Variants in SAMD12 observed in about 807,000 individuals in gnomAD.
SAMD12 encodes sterile alpha motif domain containing 12.
In SAMD12, 9 loss-of-function variants were observed where a neutral mutation model predicts 15.0. That is an observed-to-expected ratio of 0.60 (90% confidence interval 0.36 to 1.05). SAMD12 has a LOEUF of 1.05. Ranked by LOEUF, SAMD12 falls within the 50% of genes least tolerant of loss-of-function variation. The pLI, the probability that SAMD12 is intolerant of heterozygous loss-of-function variation, is 0.01. For missense variants in SAMD12, 230 were observed against 234.2 expected, an observed-to-expected ratio of 0.98 and a Z score of 0.12; for synonymous variants, 86 against 90.1, an observed-to-expected ratio of 0.96 and a Z score of 0.25.
At chr8:118,366,840 A>C (rs1245723557) in intron 4 of SAMD12, among the ~76,000 whole-genome samples, 3 of 114,878 alleles carry the variant, frequency 2.6e-5, no homozygotes, top group East Asian at 4.7e-4. Flanking sequence ...ATAAAATAAA[A>C]TAAAATAAAA....
At chr8:118,348,033 G>A (rs1021493540) in intron 4 of SAMD12, among the ~76,000 whole-genome samples, 1 of 152,110 alleles carries the variant, frequency 6.6e-6, no homozygotes, top group Non-Finnish European at 1.5e-5. Flanking sequence ...CAAGAACAGT[G>A]CTTAGGACAC....
At chr8:118,403,158 G>C (rs964177440) in intron 3 of SAMD12, among the ~76,000 whole-genome samples, 2 of 152,180 alleles carry the variant, frequency 1.3e-5, no homozygotes, top group Non-Finnish European at 2.9e-5. Context: ...CTTCATGACA[G>C]CCTTGCAGTT....
chr8:118,551,680 G>A lies in SAMD12; in HGVS notation c.192+29035C>T, dbSNP rs866227365. ...AAGGCAAGAAATAACTAAAATCAGAGCAGAACTGAAGGAAATAGAGACACA... is the reference window on the plus strand; with the variant it reads ...AAGGCAAGAAATAACTAAAATCAGAACAGAACTGAAGGAAATAGAGACACA... On this transcript the variant is annotated intron_variant, in intron 2 of 3. Transcript: ENST00000314727. 7.4e-4 allele frequency among the ~76,000 whole-genome samples: 111 copies of A among 149,734 alleles called. 1 individual carries two copies. Among genetic ancestry groups the A allele is most frequent in the Middle Eastern group, 3.4e-3 (1 of 294 alleles).
At chr8:118,433,872 G>A (rs909219378) in intron 3 of SAMD12, among the ~76,000 whole-genome samples, 1 of 152,146 alleles carries the variant, frequency 6.6e-6, no homozygotes, top group Non-Finnish European at 1.5e-5. Context: ...TTTACATTTT[G>A]TTTGGTTATA....
At chr8:118,415,779 A>T (rs1377617981) in intron 3 of SAMD12, among the ~76,000 whole-genome samples, 1 of 152,120 alleles carries the variant, frequency 6.6e-6, no homozygotes, top group Admixed American at 6.5e-5. Context: ...TAATCTGCCC[A>T]CATAAGTCAA....
At chr8:118,325,182 A>C (rs57463234) in intron 4 of SAMD12, among the ~76,000 whole-genome samples, 4,175 of 152,318 alleles carry the variant, frequency 0.027, 172 homozygotes, top group African/African-American at 0.093. Flanking sequence ...GCTAAACAGC[A>C]GAGATGTGGC....
chr8:118,383,645 A>G (rs1453019014), intron 3 of SAMD12, among the ~76,000 whole-genome samples: 1 of 152,156 alleles, frequency 6.6e-6, no homozygotes, highest in Admixed American at 6.6e-5. Flanking sequence ...TCAAACAAGA[A>G]GCACCAACTG....
chr8:118,452,589 A>G (rs570337301), intron 2 of SAMD12, among the ~76,000 whole-genome samples: 15 of 152,324 alleles, frequency 9.8e-5, no homozygotes, highest in Middle Eastern at 3.4e-3. Context: ...CTAATAAATA[A>G]TAATGGGCCC....
the SAMD12 span, among the ~76,000 whole-genome samples, chr8:118,156,789 G>A: frequency 1.3e-5 from 2 of 152,130 alleles, no homozygotes; most frequent in Admixed American, 6.5e-5. Context: ...TTTGCTAAAG[G>A]GTTCTGAGTA....
At chr8:118,219,175 C>T (rs1223336670) in intron 4 of SAMD12, among the ~76,000 whole-genome samples, 12 of 152,274 alleles carry the variant, frequency 7.9e-5, no homozygotes, top group South Asian at 2.1e-4. Flanking sequence ...TGCCCATACA[C>T]GTCTATGACG....
At chr8:118,575,520 T>C (rs906118399) in intron 2 of SAMD12, among the ~76,000 whole-genome samples, 3 of 152,172 alleles carry the variant, frequency 2.0e-5, no homozygotes, top group Admixed American at 2.0e-4. Flanking sequence ...CCATTAGACA[T>C]AGAGAGTTAC....
At chr8:118,337,703 C>G (rs1271642043) in intron 4 of SAMD12, among the ~76,000 whole-genome samples, 1 of 152,200 alleles carries the variant, frequency 6.6e-6, no homozygotes, top group East Asian at 1.9e-4. Flanking sequence ...CTCAGATGGA[C>G]TGTCCTGATA....
At chr8:118,258,811 G>A (rs961063960) in intron 4 of SAMD12, among the ~76,000 whole-genome samples, 10 of 152,072 alleles carry the variant, frequency 6.6e-5, no homozygotes, top group Non-Finnish European at 8.8e-5. Context: ...AATAGTAATC[G>A]CAGTGATACC....
intron 1 of SAMD12, among the ~76,000 whole-genome samples, chr8:118,616,631 G>T (rs1476556878): frequency 6.6e-6 from 1 of 152,142 alleles, no homozygotes; most frequent in African/African-American, 2.4e-5. Context: ...ACAAAGCATA[G>T]GTTCCCCACC....
At chr8:118,405,439 G>C (rs981942055) in intron 3 of SAMD12, among the ~76,000 whole-genome samples, 3 of 152,020 alleles carry the variant, frequency 2.0e-5, no homozygotes, top group African/African-American at 7.3e-5. Context: ...AAAAAAACCA[G>C]GTATAAAAAA....
At chr8:118,142,322 C>T in the SAMD12 span, among the ~76,000 whole-genome samples, 10 of 152,176 alleles carry the variant, frequency 6.6e-5, no homozygotes, top group South Asian at 2.1e-4. Context: ...TTTACCTCTA[C>T]GAAAAGTCTA....
At chr8:118,145,938 C>CTGCA in the SAMD12 span, among the ~76,000 whole-genome samples, 1 of 152,238 alleles carries the variant, frequency 6.6e-6, no homozygotes, top group Non-Finnish European at 1.5e-5. Context: ...TGTCAGCTAA[C>CTGCA]TGCACTCCTT....
chr8:118,183,920 C>T, the SAMD12 span, among the ~76,000 whole-genome samples: 1 of 152,040 alleles, frequency 6.6e-6, no homozygotes, highest in South Asian at 2.1e-4. Context: ...TGAAAACATG[C>T]GATATTTGGT....
At chr8:118,509,192 T>G (rs1825005685) in intron 2 of SAMD12, among the ~76,000 whole-genome samples, 1 of 152,212 alleles carries the variant, frequency 6.6e-6, no homozygotes, top group Non-Finnish European at 1.5e-5. Context: ...TGTCTGTGTG[T>G]GTGTTTATAT....
Sources: allele counts gnomAD v4.1 joint callset (sites outside exome capture counted in the v4.1 genomes callset), GRCh38; gene constraint gnomAD v4.1.1; transcripts MANE v1.5; gene names NCBI Gene and HGNC (gene_info 2026-07-23, HGNC 2026-07-21).